The following NAV1 variants were observed in gnomAD, a reference collection of about 807,000 sequenced individuals.
NAV1 encodes the protein pore membrane and/or filament interacting like protein 3.
Under a neutral mutation model 175.2 loss-of-function variants are expected in NAV1, and 18 were observed. The observed-to-expected ratio is 0.10, with a 90% CI of 0.07 to 0.15. The LOEUF is 0.15. Ranked by LOEUF, NAV1 falls within the 10% of genes least tolerant of loss-of-function variation. The probability of loss-of-function intolerance (pLI) is 1.00; values close to 1 mark genes in which losing one functional copy is unlikely to be tolerated. For synonymous variants in NAV1, 897 were observed against 978.7 expected, an observed-to-expected ratio of 0.92 and a Z score of 1.56; for missense variants, 1,731 against 2,436.6, an observed-to-expected ratio of 0.71 and a Z score of 6.10.
intron 2 of NAV1, among the ~76,000 whole-genome samples, chr1:201,594,900 G>A (rs939184823): frequency 6.6e-6 from 1 of 152,256 alleles, no homozygotes; most frequent in Non-Finnish European, 1.5e-5. Context: ...AGGGAGCACT[G>A]AGCAGGGAAT....
intron 3 of NAV1, chr1:201,739,692 T>C: frequency 1.1e-6 from 1 of 900,042 alleles, no homozygotes; most frequent in Non-Finnish European, 1.4e-6. Context: ...CCTCCAGGCT[T>C]CCGAGGCCAC....
intron 1 of NAV1, 31 bp downstream of exon 5, chr1:201,649,456 C>T (rs934523551): frequency 6.8e-7 from 1 of 1,475,716 alleles, no homozygotes; most frequent in African/African-American, 1.4e-5. Context: ...CCGCCCCGCC[C>T]CTGGCTTTCT....
At chr1:201,741,083 CAT>C (rs1385685639) in intron 3 of NAV1, among the ~76,000 whole-genome samples, 1 of 152,176 alleles carries the variant, frequency 6.6e-6, no homozygotes, top group Non-Finnish European at 1.5e-5. Context: ...CACCCTGTAA[CAT>C]GCTCCTGCGT....
At chr1:201,776,640 C>CAAA (rs34504688) in intron 3 of NAV1, among the ~76,000 whole-genome samples, 1 of 97,104 alleles carries the variant, frequency 1.0e-5, no homozygotes, top group Non-Finnish European at 2.1e-5. Flanking sequence ...GACTCCATCT[C>CAAA]AAAAAAAAAA....
chr1:201,790,836 G>A, intron 13 of NAV1, 70 bp downstream of exon 17: 1 of 1,503,758 alleles, frequency 6.7e-7, no homozygotes, highest in Non-Finnish European at 9.3e-7. Flanking sequence ...TCAGCCAAGG[G>A]AGGAAAACTA....
At chr1:201,799,100 A>G (rs1033345744) in intron 15 of NAV1, among the ~76,000 whole-genome samples, 2 of 152,164 alleles carry the variant, frequency 1.3e-5, no homozygotes, top group African/African-American at 4.8e-5. Flanking sequence ...AAGAAAAAAG[A>G]AAAGAAAGAA....
At chr1:201,642,195 T>TCC (rs1668784773) in intron 2 of NAV1, among the ~76,000 whole-genome samples, 5 of 137,278 alleles carry the variant, frequency 3.6e-5, no homozygotes, top group South Asian at 2.5e-4. Context: ...CTTCCCTCCT[T>TCC]TCTTCCTTTC....
At chr1:201,761,358 G>A (rs1434892757) in intron 3 of NAV1, among the ~76,000 whole-genome samples, 1 of 152,212 alleles carries the variant, frequency 6.6e-6, no homozygotes, top group Non-Finnish European at 1.5e-5. Context: ...CGAAGAGAGA[G>A]TAGCTCAGTG....
intron 3 of NAV1, chr1:201,737,532 A>G (rs1295985886): frequency 6.6e-6 from 1 of 152,086 alleles, no homozygotes; most frequent in African/African-American, 2.4e-5. Context: ...TCCCTGTGTG[A>G]GGTGAGACAC....
intron 3 of NAV1, chr1:201,739,861 G>T: frequency 7.8e-7 from 1 of 1,281,022 alleles, no homozygotes; most frequent in Non-Finnish European, 9.9e-7. Flanking sequence ...ACAAGCCCTG[G>T]TGGTGGGGAG....
chr1:201,684,475 CTTTT>C (rs71138346), intron 1 of NAV1, among the ~76,000 whole-genome samples: 2 of 127,874 alleles, frequency 1.6e-5, no homozygotes, highest in Non-Finnish European at 1.6e-5. Context: ...TTTATGCAGC[CTTTT>C]TTTTTTTTTT....
chr1:201,642,525 T>TTCTTTC (rs1553247051), intron 2 of NAV1, among the ~76,000 whole-genome samples: 2 of 100,306 alleles, frequency 2.0e-5, no homozygotes, highest in African/African-American at 8.6e-5. Context: ...TTCTTTCTTT[T>TTCTTTC]TTTCTTTCTT....
At chr1:201,744,419 G>C (rs1673641144) in intron 3 of NAV1, among the ~76,000 whole-genome samples, 1 of 152,044 alleles carries the variant, frequency 6.6e-6, no homozygotes, top group Non-Finnish European at 1.5e-5. Flanking sequence ...ACTGGCGATA[G>C]AATAGTGAGC....
At chr1:201,602,770 G>A (rs1185209794) in intron 2 of NAV1, among the ~76,000 whole-genome samples, 2 of 151,108 alleles carry the variant, frequency 1.3e-5, no homozygotes, top group Non-Finnish European at 1.5e-5. Context: ...GCATGCTCCA[G>A]GGGGACAGGG....
intron 2 of NAV1, among the ~76,000 whole-genome samples, chr1:201,589,727 T>C (rs1288025328): frequency 2.0e-5 from 3 of 152,068 alleles, no homozygotes; most frequent in East Asian, 1.9e-4. Context: ...CCTGGGCTCA[T>C]GTGATCTGCC....
chr1:201,617,143 G>A (rs1668024392), intron 2 of NAV1, among the ~76,000 whole-genome samples: 1 of 151,294 alleles, frequency 6.6e-6, no homozygotes, highest in Non-Finnish European at 1.5e-5. Context: ...GTACTTAGAA[G>A]GAGAAAGAAC....
chr1:201,799,860 CAAA>C (rs548818131), intron 15 of NAV1, among the ~76,000 whole-genome samples: 2 of 77,160 alleles, frequency 2.6e-5, no homozygotes, highest in African/African-American at 4.4e-5. Context: ...AACTTCATCT[CAAA>C]AAAAAAAAAA....
intron 1 of NAV1, among the ~76,000 whole-genome samples, chr1:201,540,898 C>T (rs1665493890): frequency 6.6e-6 from 1 of 152,204 alleles, no homozygotes; most frequent in Non-Finnish European, 1.5e-5. Flanking sequence ...AGGAAAAAAT[C>T]GCTACGGTTG....
intron 2 of NAV1, among the ~76,000 whole-genome samples, chr1:201,611,474 AG>A (rs1667843107): frequency 6.6e-6 from 1 of 152,210 alleles, no homozygotes; most frequent in South Asian, 2.1e-4. Flanking sequence ...CGCAATGCCC[AG>A]TCTGGAAACA....
Sources: gnomAD v4.1 joint callset for allele counts (sites outside exome capture counted in the v4.1 genomes callset) on GRCh38, gnomAD v4.1.1 for gene constraint, MANE v1.5 for transcripts, NCBI Gene and HGNC (gene_info 2026-07-23, HGNC 2026-07-21) for gene names.